The following GRID1 variants were observed in gnomAD, a reference collection of about 807,000 sequenced individuals.
The protein encoded by GRID1 is glutamate receptor ionotropic, delta-1.
A neutral mutation model predicts 98.0 loss-of-function variants in GRID1; 28 were observed. That is an observed-to-expected ratio of 0.29 (90% CI 0.21 to 0.39). The LOEUF is 0.39. Ranked by LOEUF, GRID1 falls within the 10% of genes least tolerant of loss-of-function variation. The pLI is 1.00. For missense variants in GRID1, 1,111 were observed against 1,340.5 expected, an observed-to-expected ratio of 0.83 and a Z score of 2.67; for synonymous variants, 553 against 538.5, an observed-to-expected ratio of 1.03 and a Z score of -0.37.
chr10:85,818,457 A>G (rs79460529), intron 8 of GRID1, among the ~76,000 whole-genome samples: 5,031 of 152,370 alleles, frequency 0.033, 128 homozygotes, highest in Non-Finnish European at 0.047. Flanking sequence ...GTGATAGCTC[A>G]GTAAAAGCAG....
intron 3 of GRID1, among the ~76,000 whole-genome samples, chr10:86,142,366 A>G (rs1845022734): frequency 6.6e-6 from 1 of 152,256 alleles, no homozygotes; most frequent in Non-Finnish European, 1.5e-5. Flanking sequence ...TGAAAAAGCA[A>G]TGCCTTTACC....
chr10:86,322,368 C>G (rs920597390), intron 2 of GRID1, among the ~76,000 whole-genome samples: 2 of 152,156 alleles, frequency 1.3e-5, no homozygotes, highest in Non-Finnish European at 2.9e-5. Context: ...TTGACAGAAC[C>G]TACCACATGC....
intron 3 of GRID1, among the ~76,000 whole-genome samples, chr10:86,144,949 G>C (rs916384897): frequency 2.0e-5 from 3 of 152,100 alleles, no homozygotes; most frequent in African/African-American, 7.2e-5. Flanking sequence ...CTCCTCCCTA[G>C]GACTCATGCA....
chr10:85,728,111 C>G, intron 9 of GRID1, 59 bp from the exon 10 acceptor site: 1 of 1,154,416 alleles, frequency 8.7e-7, no homozygotes, highest in Non-Finnish European at 1.3e-6. Context: ...ACACATATTT[C>G]CAGTGTAATG....
In GRID1 at chr10:85,720,564, G is replaced by T. The variant is rs1017169920; in HGVS notation, c.1997+2439C>A. ...TCACAAAATACAAAAGCAATTCCAT[G>T]GAGGACGGATAGCCTTTTCAACAAA... On this transcript the variant is annotated intron_variant, in intron 12 of 15. Coordinates refer to ENST00000327946, the MANE Select transcript of GRID1 (RefSeq NM_017551.3). Among the ~76,000 whole-genome samples the T allele has an allele frequency of 4.3e-4, 65 of 151,258 alleles. 1 individual carries two copies. Among genetic ancestry groups the T allele is most frequent in the Non-Finnish European group, 7.4e-5 (5 of 67,864 alleles).
At chr10:85,743,678 T>C (rs1841971718) in intron 8 of GRID1, among the ~76,000 whole-genome samples, 1 of 152,182 alleles carries the variant, frequency 6.6e-6, no homozygotes, top group Admixed American at 6.5e-5. Context: ...AAAGTAATTG[T>C]GGTTTCTGCC....
intron 4 of GRID1, among the ~76,000 whole-genome samples, chr10:85,994,319 T>C (rs2131870220): frequency 6.6e-6 from 1 of 152,268 alleles, no homozygotes; most frequent in East Asian, 1.9e-4. Flanking sequence ...CATCTGTGAG[T>C]GGACAGAGGT....
chr10:86,266,760 G>T (rs1051456596), intron 2 of GRID1, among the ~76,000 whole-genome samples: 4 of 152,236 alleles, frequency 2.6e-5, no homozygotes, highest in African/African-American at 4.8e-5. Context: ...AAACCCTCTT[G>T]GTCCCCTGAA....
chr10:85,675,004 C>G (rs1244759005), intron 12 of GRID1, among the ~76,000 whole-genome samples: 1 of 152,162 alleles, frequency 6.6e-6, no homozygotes, highest in Non-Finnish European at 1.5e-5. Context: ...GTTCAGTGCA[C>G]TATCAATAGC....
chr10:85,685,035 A>T (rs1841253168), intron 12 of GRID1, among the ~76,000 whole-genome samples: 1 of 152,196 alleles, frequency 6.6e-6, no homozygotes, highest in South Asian at 2.1e-4. Flanking sequence ...GGAGAGATGT[A>T]ATTCAGTCTA....
chr10:85,615,923 G>A (rs543222019), intron 14 of GRID1, among the ~76,000 whole-genome samples: 4 of 152,306 alleles, frequency 2.6e-5, no homozygotes, highest in Admixed American at 1.3e-4. Context: ...GTAGAGCTTC[G>A]TGTTCATGGA....
At chr10:86,338,478 C>A (rs1848261029) in intron 2 of GRID1, among the ~76,000 whole-genome samples, 1 of 152,200 alleles carries the variant, frequency 6.6e-6, no homozygotes, top group Non-Finnish European at 1.5e-5. Flanking sequence ...TGAATTGGAT[C>A]TTTGTCCTGT....
chr10:86,136,491 T>C (rs1028123061), intron 4 of GRID1, among the ~76,000 whole-genome samples: 1 of 152,220 alleles, frequency 6.6e-6, no homozygotes, highest in Non-Finnish European at 1.5e-5. Flanking sequence ...TTGAATCCTG[T>C]TCAATGCCTA....
intron 4 of GRID1, among the ~76,000 whole-genome samples, chr10:86,064,068 C>A (rs533121686): frequency 6.6e-6 from 1 of 152,084 alleles, no homozygotes; most frequent in East Asian, 1.9e-4. Context: ...TTAAATTGTT[C>A]GTTTTTTTTC....
intron 2 of GRID1, among the ~76,000 whole-genome samples, chr10:86,307,212 T>A (rs147414126): frequency 6.6e-6 from 1 of 152,140 alleles, no homozygotes; most frequent in Non-Finnish European, 1.5e-5. Context: ...CCCAAAGGAA[T>A]TGAAATCTGT....
chr10:85,934,048 A>G (rs889620131), intron 4 of GRID1, among the ~76,000 whole-genome samples: 3 of 152,126 alleles, frequency 2.0e-5, no homozygotes, highest in South Asian at 2.1e-4. Context: ...GCAAGAAGGG[A>G]AGCCACTGAT....
intron 3 of GRID1, among the ~76,000 whole-genome samples, chr10:86,158,421 A>G (rs552395530): frequency 3.9e-5 from 6 of 152,330 alleles, no homozygotes; most frequent in East Asian, 1.9e-4. Flanking sequence ...TCACTCACCT[A>G]CTAAGCCACT....
At chr10:86,243,614 G>A (rs1435341777) in intron 2 of GRID1, among the ~76,000 whole-genome samples, 4 of 152,202 alleles carry the variant, frequency 2.6e-5, no homozygotes, top group South Asian at 2.1e-4. Flanking sequence ...CCAGGCCCTG[G>A]AGAAAGAGTG....
At chr10:85,624,630 T>C (rs1286585415) in intron 13 of GRID1, among the ~76,000 whole-genome samples, 2 of 152,214 alleles carry the variant, frequency 1.3e-5, no homozygotes, top group Non-Finnish European at 2.9e-5. Context: ...CAAATTACAT[T>C]TCTAGCGGTT....
Sources: allele counts gnomAD v4.1 joint callset (sites outside exome capture counted in the v4.1 genomes callset), GRCh38; gene constraint gnomAD v4.1.1; transcripts MANE v1.5; gene names NCBI Gene and HGNC (gene_info 2026-07-23, HGNC 2026-07-21).